Variants in TNFSF4 observed in about 807,000 individuals in gnomAD.
The protein encoded by TNFSF4 is TNF superfamily member 4.
TNFSF4 carries 4 observed loss-of-function variants against 7.3 expected under a neutral mutation model. The ratio of observed to expected loss-of-function variants is 0.55; its 90% CI spans 0.27 to 1.25. TNFSF4 has a LOEUF of 1.25. Among genes scored for constraint, TNFSF4 ranks in the 50% most tolerant of loss-of-function variants. The pLI, the probability that TNFSF4 is intolerant of heterozygous loss-of-function variation, is 0.12. For synonymous variants in TNFSF4, 76 were observed against 83.7 expected (o/e 0.91, Z 0.50); for missense variants, 181 against 208.8 (o/e 0.87, Z 0.82).
chr1:173,191,647 C>G (rs1649482937), intron 1 of TNFSF4, among the ~76,000 whole-genome samples: 1 of 152,224 alleles, frequency 6.6e-6, no homozygotes, highest in South Asian at 2.1e-4. Flanking sequence ...CTTGGGTAGG[C>G]AGCCTGGTAG....
At chr1:173,201,793 G>A (rs562058768) in intron 1 of TNFSF4, among the ~76,000 whole-genome samples, 33 of 152,122 alleles carry the variant, frequency 2.2e-4, no homozygotes, top group Non-Finnish European at 3.4e-4. Flanking sequence ...GATTACAAAC[G>A]AAATATACAA....
At chr1:173,423,727 CA>C in the TNFSF4 span, among the ~76,000 whole-genome samples, 2 of 152,178 alleles carry the variant, frequency 1.3e-5, no homozygotes, top group African/African-American at 4.8e-5. Context: ...CAAAGTGAAC[CA>C]AAACTATGCC....
the TNFSF4 span, among the ~76,000 whole-genome samples, chr1:173,238,992 T>C: frequency 1.2e-4 from 18 of 152,336 alleles, no homozygotes; most frequent in African/African-American, 4.3e-4. Flanking sequence ...GTGTGTATGA[T>C]GTTCTGTCAC....
chr1:173,322,484 G>T, the TNFSF4 span, among the ~76,000 whole-genome samples: 2 of 152,130 alleles, frequency 1.3e-5, no homozygotes, highest in African/African-American at 4.8e-5. Context: ...GGTGATTTCT[G>T]CATTTCCAAC....
the TNFSF4 span, among the ~76,000 whole-genome samples, chr1:173,254,415 T>C: frequency 2.7e-4 from 41 of 152,290 alleles, no homozygotes; most frequent in South Asian, 1.2e-3. Context: ...TTCTAAGAGT[T>C]AAAGCAGAAG....
the TNFSF4 span, among the ~76,000 whole-genome samples, chr1:173,403,868 C>A: frequency 2.0e-5 from 3 of 150,628 alleles, no homozygotes; most frequent in African/African-American, 7.4e-5. Context: ...CACCACTGCA[C>A]TCCAGCCTGG....
chr1:173,200,047 C>A (rs1649877144), intron 1 of TNFSF4, among the ~76,000 whole-genome samples: 1 of 152,158 alleles, frequency 6.6e-6, no homozygotes, highest in Admixed American at 6.5e-5. Context: ...ATATTTAAAT[C>A]TTTTTTTAAA....
At chr1:173,436,304 T>C in the TNFSF4 span, among the ~76,000 whole-genome samples, 6 of 152,332 alleles carry the variant, frequency 3.9e-5, no homozygotes, top group African/African-American at 1.2e-4. Flanking sequence ...AACTTAATCT[T>C]GCAGAGAAAC....
the TNFSF4 span, among the ~76,000 whole-genome samples, chr1:173,232,170 A>C: frequency 1.3e-5 from 2 of 152,130 alleles, no homozygotes; most frequent in African/African-American, 4.8e-5. Flanking sequence ...GTTCTCCTAG[A>C]AGAGGTCCTT....
the TNFSF4 span, among the ~76,000 whole-genome samples, chr1:173,326,070 G>C: frequency 6.6e-6 from 1 of 152,076 alleles, no homozygotes; most frequent in Non-Finnish European, 1.5e-5. Flanking sequence ...CAGAAAAAGA[G>C]AATTTTAGAC....
the TNFSF4 span, among the ~76,000 whole-genome samples, chr1:173,329,537 AC>A: frequency 5.9e-5 from 9 of 152,086 alleles, no homozygotes; most frequent in Non-Finnish European, 8.8e-5. Flanking sequence ...TATATAAAAT[AC>A]CAAAAAAAAG....
At chr1:173,288,650 A>T in the TNFSF4 span, among the ~76,000 whole-genome samples, 2 of 152,196 alleles carry the variant, frequency 1.3e-5, no homozygotes, top group African/African-American at 4.8e-5. Context: ...ATTAGAACAC[A>T]TTCACAGAGT....
At chr1:173,251,374 T>G in the TNFSF4 span, among the ~76,000 whole-genome samples, 4 of 152,284 alleles carry the variant, frequency 2.6e-5, no homozygotes, top group Middle Eastern at 6.8e-3. Flanking sequence ...TGAAGGGAAA[T>G]TGAATTAATC....
chr1:173,430,993 A>G, the TNFSF4 span, among the ~76,000 whole-genome samples: 2 of 152,228 alleles, frequency 1.3e-5, no homozygotes, highest in Non-Finnish European at 2.9e-5. Context: ...GGTAAATTTG[A>G]ATTTTGAATG....
At chr1:173,313,950 C>T in the TNFSF4 span, among the ~76,000 whole-genome samples, 1 of 151,946 alleles carries the variant, frequency 6.6e-6, no homozygotes, top group African/African-American at 2.4e-5. Context: ...TTATTATATG[C>T]TTTCTATTTT....
the TNFSF4 span, among the ~76,000 whole-genome samples, chr1:173,213,959 G>A: frequency 2.6e-5 from 4 of 152,130 alleles, no homozygotes; most frequent in African/African-American, 9.7e-5. Context: ...AGAGGCTGGA[G>A]ATGTTAATAA....
the TNFSF4 span, among the ~76,000 whole-genome samples, chr1:173,415,889 C>T: frequency 6.6e-6 from 1 of 152,286 alleles, no homozygotes; most frequent in South Asian, 2.1e-4. Context: ...ATGTGCGTAT[C>T]TGTGGGACTG....
At chr1:173,404,287 C>T in the TNFSF4 span, among the ~76,000 whole-genome samples, 1 of 152,048 alleles carries the variant, frequency 6.6e-6, no homozygotes, top group Admixed American at 6.5e-5. Context: ...AGAGCTAAGC[C>T]CCAGGGATGA....
At chr1:173,372,558 T>G in the TNFSF4 span, among the ~76,000 whole-genome samples, 3 of 152,228 alleles carry the variant, frequency 2.0e-5, no homozygotes, top group African/African-American at 7.2e-5. Flanking sequence ...AGCAAAAGGC[T>G]GGCCTCACTG....
Sources: allele counts gnomAD v4.1 joint callset (sites outside exome capture counted in the v4.1 genomes callset), GRCh38; gene constraint gnomAD v4.1.1; transcripts MANE v1.5; gene names NCBI Gene and HGNC (gene_info 2026-07-23, HGNC 2026-07-21).